ZNF117: variants seen among roughly 807,000 people sequenced by gnomAD.
ZNF117 encodes Krueppel-related zinc finger protein.
Under a neutral mutation model 41.2 loss-of-function variants are expected in ZNF117, and 37 were observed. That is an observed-to-expected ratio of 0.90 (90% confidence interval 0.69 to 1.18). The LOEUF is 1.18. Among genes scored for constraint, ZNF117 ranks in the 50% most tolerant of loss-of-function variants. The pLI is 0.00. For missense variants in ZNF117, 546 were observed against 557.5 expected, an observed-to-expected ratio of 0.98 and a Z score of 0.21; for synonymous variants, 186 against 186.6, an observed-to-expected ratio of 1.00 and a Z score of 0.02.
chr7:64,987,061 C>T (rs1299239918), upstream of ZNF117, among the ~76,000 whole-genome samples: 1 of 152,106 alleles, frequency 6.6e-6, no homozygotes, highest in Non-Finnish European at 1.5e-5. Context: ...AAACAATCCT[C>T]ACCAAATTCA....
upstream of ZNF117, among the ~76,000 whole-genome samples, chr7:64,986,808 G>C (rs1786145790): frequency 6.6e-6 from 1 of 152,096 alleles, no homozygotes; most frequent in South Asian, 2.1e-4. Context: ...AATAAGACCA[G>C]TTCTAAGAGA....
At chr7:64,986,597 G>C (rs970960699), upstream of ZNF117, among the ~76,000 whole-genome samples, 5 of 152,158 alleles carry the variant, frequency 3.3e-5, no homozygotes, top group African/African-American at 1.2e-4. Context: ...AAACACCTTA[G>C]GGTAAAGATC....
At chr7:64,977,373 G>T in exon 3 of ZNF117, 1 of 414,272 alleles carries the variant, frequency 2.4e-6, no homozygotes, top group South Asian at 1.9e-5. Flanking sequence ...CTGGCTAAAA[G>T]CTTTAGCACA....
At chr7:64,977,716 C>T (rs1562983191) in exon 3 of ZNF117, 3 of 873,968 alleles carry the variant, frequency 3.4e-6, no homozygotes, top group Non-Finnish European at 5.4e-6. Context: ...AAAGCTTTGC[C>T]ACATTCTTCA....
upstream of ZNF117, among the ~76,000 whole-genome samples, chr7:64,984,288 C>T (rs150529826): frequency 6.2e-4 from 94 of 152,264 alleles, 1 homozygote; most frequent in East Asian, 0.015. Flanking sequence ...TGTGCCATCA[C>T]GCCCAACTAA....
chr7:64,981,492 T>C lies in ZNF117; in HGVS notation c.-62-10A>G, dbSNP rs1431422936. ...TTAGAGACAGCAATACCTGTTTTATTGAAAATAAATAACATAAATCTTGCA... is the reference window on the plus strand; with the variant it reads ...TTAGAGACAGCAATACCTGTTTTATCGAAAATAAATAACATAAATCTTGCA... On this transcript the variant is annotated splice_polypyrimidine_tract_variant and intron_variant, in intron 1 of 2. Transcript: ENST00000620222. 6.4e-7 allele frequency: 1 copy of C among 1,558,244 alleles called. No homozygotes were observed. Among genetic ancestry groups the C allele is most frequent in the African/African-American group, 1.4e-5 (1 of 73,748 alleles).
downstream of ZNF117, chr7:64,972,743 C>T (rs369801189): frequency 3.3e-5 from 5 of 152,006 alleles, no homozygotes; most frequent in Admixed American, 2.6e-4. Context: ...ATAGTGACTA[C>T]AGATCATAAT....
At chr7:64,972,240 C>T (rs1785795647), downstream of ZNF117, 1 of 151,776 alleles carries the variant, frequency 6.6e-6, no homozygotes, top group African/African-American at 2.4e-5. Context: ...AGGAGAGTCA[C>T]TATGAAAAAC....
exon 3 of ZNF117, chr7:64,978,885 G>T (rs763868584): frequency 1.2e-6 from 2 of 1,613,314 alleles, no homozygotes; most frequent in African/African-American, 2.7e-5. Flanking sequence ...TTGGTTAAAA[G>T]CTCTAACACA....
upstream of ZNF117, among the ~76,000 whole-genome samples, chr7:64,985,775 A>G (rs1176221059): frequency 1.3e-5 from 2 of 152,054 alleles, no homozygotes; most frequent in East Asian, 1.9e-4. Flanking sequence ...CCTAGCCAAC[A>G]TGGTGAAACC....
chr7:64,980,354 AATTTTC>A (rs1394358371), intron 2 of ZNF117: 1 of 152,016 alleles, frequency 6.6e-6, no homozygotes, highest in African/African-American at 2.4e-5. Context: ...GATATTATAA[AATTTTC>A]AGAAAGCAAC....
exon 3 of ZNF117, chr7:64,977,917 T>C: frequency 8.1e-7 from 1 of 1,227,064 alleles, no homozygotes; most frequent in Non-Finnish European, 1.2e-6. Context: ...TTCTCTCCAG[T>C]ATGAATTCTT....
At chr7:64,982,573 T>C (rs1786054593), upstream of ZNF117, among the ~76,000 whole-genome samples, 1 of 152,196 alleles carries the variant, frequency 6.6e-6, no homozygotes, top group Non-Finnish European at 1.5e-5. Flanking sequence ...TCTGATATTC[T>C]AAATTTCTAA....
chr7:64,976,899 G>T, exon 3 of ZNF117: 1 of 501,932 alleles, frequency 2.0e-6, no homozygotes, highest in East Asian at 5.9e-5. Context: ...ACATTTGCAG[G>T]GTTTCTCTCA....
chr7:64,984,432 A>T (rs979734433), upstream of ZNF117, among the ~76,000 whole-genome samples: 4 of 152,330 alleles, frequency 2.6e-5, no homozygotes, highest in Non-Finnish European at 4.4e-5. Context: ...ATATTACTTT[A>T]TTCATATAGT....
upstream of ZNF117, among the ~76,000 whole-genome samples, chr7:64,986,522 T>C (rs1786138694): frequency 6.6e-6 from 1 of 152,160 alleles, no homozygotes; most frequent in African/African-American, 2.4e-5. Context: ...AGATATGCAT[T>C]TATGTCTGGT....
At chr7:64,987,918 C>G (rs1465503584) in intron 1 of ZNF117, among the ~76,000 whole-genome samples, 1 of 151,458 alleles carries the variant, frequency 6.6e-6, no homozygotes, top group Non-Finnish European at 1.5e-5. Context: ...GAAATCGAAT[C>G]TCTGAGTAGA....
At chr7:64,975,431 A>G (rs1355700866) in exon 3 of ZNF117, 6 of 151,660 alleles carry the variant, frequency 4.0e-5, no homozygotes, top group Non-Finnish European at 8.9e-5. Context: ...AATTAAACAC[A>G]AAGAGCCTCT....
At chr7:64,976,670 T>C (rs1426148132) in exon 3 of ZNF117, 1 of 290,166 alleles carries the variant, frequency 3.4e-6, no homozygotes, top group African/African-American at 2.2e-5. Flanking sequence ...CAGTATAAAT[T>C]ATCTTACCTA....
Sources: gnomAD v4.1 joint callset for allele counts (sites outside exome capture counted in the v4.1 genomes callset) on GRCh38, gnomAD v4.1.1 for gene constraint, MANE v1.5 for transcripts, NCBI Gene and HGNC (gene_info 2026-07-23, HGNC 2026-07-21) for gene names.